The following DNAH14 variants were observed in gnomAD, a reference collection of about 807,000 sequenced individuals.
DNAH14 encodes the protein dynein axonemal heavy chain 14.
Under a neutral mutation model 520.9 loss-of-function variants are expected in DNAH14, and 478 were observed. That is an observed-to-expected ratio of 0.92 (90% CI 0.85 to 0.99). The LOEUF is 0.99. Among genes scored for constraint, DNAH14 ranks in the 50% least tolerant of loss-of-function variants. The pLI is 0.00. For missense variants in DNAH14, 4,831 were observed against 5,234.5 expected (o/e 0.92, Z 2.38); for synonymous variants, 1,581 against 1,757.2 (o/e 0.90, Z 2.51).
intron 8 of DNAH14, among the ~76,000 whole-genome samples, chr1:225,001,852 T>A (rs992095489): frequency 5.9e-5 from 9 of 152,264 alleles, no homozygotes; most frequent in African/African-American, 1.7e-4. Flanking sequence ...TAGAGGGATG[T>A]CATCAAATTC....
rs776828460 is a variant in DNAH14 at position 225,085,738 on chromosome 1, T to C, written c.3522T>C (p.Ser1174=). 1 of 1,551,296 alleles carries C rather than the reference T, an allele frequency of 6.4e-7. No homozygotes were observed. The highest frequency in any genetic ancestry group is 2.0e-5 in the Admixed American group (1 of 50,934). The part of the protein sequence containing the change: ...IDDISAQLEE[S]QVILATIKGS... The stretch of plus-strand genomic sequence containing the variant: ...ACATATCAGCTCAGTTAGAAGAGTC[T>C]CAAGTCATACTTGCAACAATTAAAG... The change falls in exon 21 of 86, where the codon TCT becomes TCC. Residue 1174 remains serine, a synonymous_variant. Transcript: ENST00000682510.
intron 81 of DNAH14, among the ~76,000 whole-genome samples, chr1:225,386,709 A>G (rs1167713230): frequency 1.3e-5 from 2 of 152,228 alleles, no homozygotes; most frequent in African/African-American, 4.8e-5. Context: ...TTAGAATGGC[A>G]ATCATTAAAA....
chr1:225,237,466 T>C (rs1467321354), intron 42 of DNAH14, among the ~76,000 whole-genome samples: 1 of 152,232 alleles, frequency 6.6e-6, no homozygotes, highest in African/African-American at 2.4e-5. Context: ...TAGGGCTTTC[T>C]CTGAGAAGTC....
At chr1:225,256,543 C>G (rs1181168763) in intron 44 of DNAH14, among the ~76,000 whole-genome samples, 1 of 152,020 alleles carries the variant, frequency 6.6e-6, no homozygotes, top group Non-Finnish European at 1.5e-5. Flanking sequence ...ATGAAGAAAA[C>G]TTGGAAACAT....
intron 43 of DNAH14, 133 bp downstream of exon 43, chr1:225,240,955 C>A (rs569332848): frequency 1.5e-6 from 1 of 679,314 alleles, no homozygotes; most frequent in Non-Finnish European, 2.3e-6. Context: ...ATAATATACC[C>A]AATACCCTCA....
intron 44 of DNAH14, among the ~76,000 whole-genome samples, chr1:225,254,058 T>A (rs1000764088): frequency 1.3e-5 from 2 of 152,102 alleles, no homozygotes; most frequent in Non-Finnish European, 2.9e-5. Context: ...AATGTACACA[T>A]GTTCTCCTAT....
chr1:225,371,773 C>T (rs186426340), intron 77 of DNAH14, among the ~76,000 whole-genome samples: 2 of 151,978 alleles, frequency 1.3e-5, no homozygotes, highest in East Asian at 1.9e-4. Context: ...AGTAAACACC[C>T]GGGAATGGAA....
At chr1:225,021,407 C>G (rs911980451) in intron 10 of DNAH14, among the ~76,000 whole-genome samples, 6 of 152,034 alleles carry the variant, frequency 3.9e-5, no homozygotes, top group Non-Finnish European at 8.8e-5. Context: ...AGTTTCTGTC[C>G]AAAAGCTCCT....
At chr1:224,968,244 T>C (rs933225965) in intron 6 of DNAH14, among the ~76,000 whole-genome samples, 1 of 152,132 alleles carries the variant, frequency 6.6e-6, no homozygotes, top group Non-Finnish European at 1.5e-5. Flanking sequence ...TAAAAATATG[T>C]ATACTTTTCT....
At chr1:225,269,736 C>A (rs1043170013) in intron 49 of DNAH14, among the ~76,000 whole-genome samples, 1 of 152,198 alleles carries the variant, frequency 6.6e-6, no homozygotes, top group African/African-American at 2.4e-5. Context: ...AAATGCTCAT[C>A]ATCACTGGCC....
At chr1:225,066,640 C>G (rs765664537) in intron 17 of DNAH14, among the ~76,000 whole-genome samples, 8 of 151,948 alleles carry the variant, frequency 5.3e-5, no homozygotes, top group South Asian at 2.1e-4. Context: ...TCTTTTATCT[C>G]ACACCCCCCT....
chr1:224,984,010 A>G (rs1334069706), intron 8 of DNAH14, among the ~76,000 whole-genome samples: 1 of 152,188 alleles, frequency 6.6e-6, no homozygotes, highest in African/African-American at 2.4e-5. Flanking sequence ...CCAAAATACC[A>G]TCATAATTCT....
chr1:225,245,483 C>T (rs2092229836), intron 43 of DNAH14, among the ~76,000 whole-genome samples: 1 of 152,080 alleles, frequency 6.6e-6, no homozygotes, highest in South Asian at 2.1e-4. Flanking sequence ...GAGTCTGAGT[C>T]TCTTCTGCAA....
intron 9 of DNAH14, among the ~76,000 whole-genome samples, chr1:225,005,996 C>T (rs530771119): frequency 3.6e-4 from 55 of 152,216 alleles, no homozygotes; most frequent in African/African-American, 1.1e-3. Flanking sequence ...ACGGAGGGAC[C>T]GGCTGAAGCC....
intron 21 of DNAH14, among the ~76,000 whole-genome samples, chr1:225,095,181 A>G (rs1008124167): frequency 6.6e-6 from 1 of 152,178 alleles, no homozygotes; most frequent in Non-Finnish European, 1.5e-5. Flanking sequence ...TTGTTCTATC[A>G]TAAAGACACA....
At chr1:225,062,244 T>C (rs1236745547) in intron 17 of DNAH14, among the ~76,000 whole-genome samples, 4 of 152,020 alleles carry the variant, frequency 2.6e-5, no homozygotes, top group Non-Finnish European at 4.4e-5. Flanking sequence ...GAGGCTGCAG[T>C]GAGTGGATTG....
chr1:224,985,916 T>C (rs1456557927), intron 8 of DNAH14, among the ~76,000 whole-genome samples: 1 of 151,438 alleles, frequency 6.6e-6, no homozygotes, highest in African/African-American at 2.4e-5. Context: ...GAAAATAGCC[T>C]CAAAAGGGTG....
chr1:224,998,946 C>A (rs757318306), intron 8 of DNAH14, among the ~76,000 whole-genome samples: 2 of 151,722 alleles, frequency 1.3e-5, no homozygotes, highest in African/African-American at 4.8e-5. Flanking sequence ...TTGGTGCATA[C>A]CCTTTTAGAA....
intron 18 of DNAH14, 124 bp downstream of exon 18, chr1:225,079,672 CTTTTTTT>C: frequency 1.2e-5 from 4 of 326,106 alleles, no homozygotes; most frequent in Admixed American, 6.6e-5. Flanking sequence ...TACAAGTATT[CTTTTTTT>C]TTTTTTTTTT....
Sources: allele counts gnomAD v4.1 joint callset (sites outside exome capture counted in the v4.1 genomes callset), GRCh38; gene constraint gnomAD v4.1.1; transcripts MANE v1.5; gene names NCBI Gene and HGNC (gene_info 2026-07-23, HGNC 2026-07-21).